The following FRYL variants were observed in gnomAD, a reference collection of about 807,000 sequenced individuals.
FRYL encodes protein furry homolog-like.
In FRYL, 150 loss-of-function variants were observed where a neutral mutation model predicts 351.2. That is an observed-to-expected ratio of 0.43 (90% CI 0.37 to 0.49). The LOEUF is 0.49. Among genes scored for constraint, FRYL ranks in the 20% least tolerant of loss-of-function variants. FRYL has a pLI of 0.00. For missense variants in FRYL, 3,036 were observed against 3,619.3 expected, an observed-to-expected ratio of 0.84 and a Z score of 4.13; for synonymous variants, 1,153 against 1,257.1, an observed-to-expected ratio of 0.92 and a Z score of 1.75.
At chr4:48,611,210 T>C (rs937973602) in intron 7 of FRYL, among the ~76,000 whole-genome samples, 1 of 152,066 alleles carries the variant, frequency 6.6e-6, no homozygotes, top group Admixed American at 6.5e-5. Context: ...ACACTTTAAA[T>C]CATCTCTATC....
chr4:48,681,282 C>G (rs1412079896), intron 3 of FRYL: 2 of 235,492 alleles, frequency 8.5e-6, no homozygotes, highest in Non-Finnish European at 1.7e-5. Context: ...CAATTGCCAG[C>G]TGTTTTGAAG....
At chr4:48,557,827 A>G in intron 33 of FRYL, 115 bp from the exon 34 acceptor site, 2 of 1,158,468 alleles carry the variant, frequency 1.7e-6, no homozygotes, top group South Asian at 3.1e-5. Flanking sequence ...ATTACACTTA[A>G]CAATTATGAG....
chr4:48,512,094 C>T (rs1722602039), intron 57 of FRYL, among the ~76,000 whole-genome samples: 1 of 152,142 alleles, frequency 6.6e-6, no homozygotes, highest in South Asian at 2.1e-4. Flanking sequence ...CTCACAAAGT[C>T]AATGGACACT....
intron 54 of FRYL, among the ~76,000 whole-genome samples, chr4:48,522,032 C>T (rs1490597184): frequency 1.3e-5 from 2 of 152,162 alleles, no homozygotes; most frequent in African/African-American, 4.8e-5. Flanking sequence ...GATCCTGCCA[C>T]TTTGGGAGGC....
chr4:48,575,335 T>G, intron 24 of FRYL, 94 bp from the exon 25 acceptor site: 2 of 1,335,450 alleles, frequency 1.5e-6, no homozygotes, highest in Non-Finnish European at 2.1e-6. Flanking sequence ...CAAGGATAAA[T>G]GGACAGGTGA....
At chr4:48,635,217 T>C (rs892437731) in intron 3 of FRYL, among the ~76,000 whole-genome samples, 8 of 152,166 alleles carry the variant, frequency 5.3e-5, no homozygotes, top group African/African-American at 1.7e-4. Context: ...GCAATTAAAA[T>C]TCAGTGGAAA....
chr4:48,546,222 G>A lies in FRYL; in HGVS notation c.5124C>T (p.Asp1708=), dbSNP rs1346660722. ...AGGTAGAACTTGAGCTAAGCCCTGA[G>A]TCAGTCATAGGGGAGGGCTGGTAAT... ...IPDYQPSPMT[D]SGLSSSSTSS... is the part of the protein sequence containing the mutation. The change falls in exon 42 of 64, where the codon GAC becomes GAT. Residue 1708 remains aspartate, a synonymous_variant. Transcript: ENST00000358350. 2 of 1,613,724 alleles carry A rather than the reference G, an allele frequency of 1.2e-6. No individual in the cohort carries two copies. The highest frequency in any genetic ancestry group is 1.7e-6 in the Non-Finnish European group (2 of 1,179,850).
rs568769416 is a variant in FRYL at position 48,696,570 on chromosome 4, T to C, written c.-203-11775A>G. On this transcript the variant is annotated intron_variant, in intron 2 of 63. Transcript: ENST00000358350. ...GAGGGAGAACACTAGGACAAATAGC[T>C]AATGCATGTGGGGCTTAAAACCTAA... 2.2e-4 allele frequency among the ~76,000 whole-genome samples: 34 copies of C among 151,996 alleles called. No individual in the cohort carries two copies. The South Asian group carries it at 4.4e-3, about 20-fold the overall frequency.
intron 3 of FRYL, among the ~76,000 whole-genome samples, chr4:48,672,264 T>C (rs1762872696): frequency 1.3e-5 from 2 of 152,210 alleles, no homozygotes; most frequent in African/African-American, 4.8e-5. Context: ...CTCAGCTTAG[T>C]CTGGATGGAA....
chr4:48,522,217 A>C (rs1489178143), intron 54 of FRYL, among the ~76,000 whole-genome samples: 1 of 152,146 alleles, frequency 6.6e-6, no homozygotes, highest in East Asian at 1.9e-4. Flanking sequence ...GGAGTTTAAG[A>C]ATACAGTGAG....
chr4:48,525,518 C>G (rs548721337), intron 53 of FRYL, among the ~76,000 whole-genome samples: 1 of 152,242 alleles, frequency 6.6e-6, no homozygotes, highest in South Asian at 2.1e-4. Flanking sequence ...CAGTGTGATA[C>G]GGGAGAGTGC....
rs62619178 is a variant in FRYL at position 48,500,184 on chromosome 4, T to C, written c.8629A>G (p.Ser2877Gly). The change falls in exon 63 of 64, where the codon AGT becomes GGT. Residue 2877 changes from serine to glycine, a missense_variant. By Grantham distance (56) the Ser-to-Gly change is moderately conservative. This residue lies in a region of FRYL where 1,987 missense variants were observed against 2,311.7 expected (regional missense o/e 0.86). Transcript: ENST00000358350. ...GCGGACTCAGCTTCTTTGAGGATAC[T>C]TTCCAGTTGGGCAAGTTCCTCTGAC... ...NMSEELAQLE[S>G]ILKEAESASE... 7.3e-4 allele frequency: 1,164 copies of C among 1,595,784 alleles called. 1 individual carries two copies. The highest frequency in any genetic ancestry group is 9.1e-4 in the Non-Finnish European group (1,066 of 1,176,228).
At chr4:48,586,555 G>T in intron 19 of FRYL, 66 bp downstream of exon 19, 1 of 1,005,446 alleles carries the variant, frequency 9.9e-7, no homozygotes, top group Non-Finnish European at 1.6e-6. Context: ...CAGTAACAAA[G>T]GTATATTAGA....
chr4:48,620,717 A>G lies in FRYL; in HGVS notation c.236T>C (p.Phe79Ser). 1 of 1,613,974 alleles carries G rather than the reference A, an allele frequency of 6.2e-7. No individual in the cohort carries two copies. Among genetic ancestry groups the G allele is most frequent in the African/African-American group, 1.3e-5 (1 of 75,030 alleles). ...TCCATTTTGGCGTCTGTACCAGTCA[A>G]ACAAGGTGCGAAGTAAGGAAGGGAG... ...HCLPSLLRTL[F>S]DWYRRQNGTE... The change falls in exon 6 of 64, where the codon TTT becomes TCT. Residue 79 changes from phenylalanine to serine, a missense_variant. Around this residue, in one of 7 missense-constraint regions of FRYL, gnomAD observed 457 missense variants for 566.6 expected, o/e 0.81. Transcript: ENST00000358350.
At chr4:48,585,108 G>A (rs182679950) in intron 19 of FRYL, among the ~76,000 whole-genome samples, 1 of 152,284 alleles carries the variant, frequency 6.6e-6, no homozygotes, top group East Asian at 1.9e-4. Context: ...CAAAGATGTA[G>A]ATGAGTTATG....
intron 56 of FRYL, 130 bp from the exon 57 acceptor site, chr4:48,512,818 A>G (rs1249060788): frequency 1.6e-6 from 1 of 634,704 alleles, no homozygotes; most frequent in Non-Finnish European, 2.8e-6. Context: ...TAGAAAATGT[A>G]CAACAACCTA....
At chr4:48,543,663 G>T (rs1730712396) in intron 44 of FRYL, 144 bp downstream of exon 44, 2 of 641,492 alleles carry the variant, frequency 3.1e-6, no homozygotes, top group South Asian at 5.1e-5. Flanking sequence ...AACTAACTTT[G>T]TCTCTTAATT....
At chr4:48,775,430 GA>G (rs1334061744) in intron 1 of FRYL, among the ~76,000 whole-genome samples, 2 of 152,172 alleles carry the variant, frequency 1.3e-5, no homozygotes, top group Non-Finnish European at 2.9e-5. Context: ...CTAAATGAAA[GA>G]TTTTTTTTTC....
At chr4:48,664,421 C>T in intron 3 of FRYL, among the ~76,000 whole-genome samples, 1 of 152,262 alleles carries the variant, frequency 6.6e-6, no homozygotes, top group South Asian at 2.1e-4. Context: ...AATAAGGAAA[C>T]AGATTTCCAA....
Sources: allele counts gnomAD v4.1 joint callset (sites outside exome capture counted in the v4.1 genomes callset), GRCh38; gene constraint gnomAD v4.1.1; regional missense constraint gnomAD v4.1.1; transcripts MANE v1.5; gene names NCBI Gene and HGNC (gene_info 2026-07-23, HGNC 2026-07-21).